IGSF9B: variants seen among roughly 807,000 people sequenced by gnomAD.
IGSF9B encodes protein turtle homolog B.
In IGSF9B, 48 loss-of-function variants were observed where a neutral mutation model predicts 143.7. The ratio of observed to expected loss-of-function variants is 0.33; its 90% CI spans 0.26 to 0.42. The LOEUF (loss-of-function observed/expected upper bound fraction) is 0.42. Ranked by LOEUF, IGSF9B falls within the 20% of genes least tolerant of loss-of-function variation. The pLI, the probability that IGSF9B is intolerant of heterozygous loss-of-function variation, is 1.00. For synonymous variants in IGSF9B, 903 were observed against 833.1 expected (o/e 1.08, Z -1.44); for missense variants, 1,706 against 1,980.0 (o/e 0.86, Z 2.63).
chr11:133,908,956 G>T lies in IGSF9B; in HGVS notation c.*113C>A, dbSNP rs1843068931. ...GCTCTGGCAAAAGAGGGGGCATGCA[G>T]GACAAAGGTCTGGGCCGCCCTTGGC... On this transcript the variant is annotated 3_prime_UTR_variant, in exon 20 of 20. Transcript: ENST00000533871. 2 of 911,594 alleles carry T rather than the reference G, an allele frequency of 2.2e-6. No individual in the cohort carries two copies. Among genetic ancestry groups the T allele is most frequent in the Admixed American group, 2.3e-5 (1 of 43,438 alleles). The allele number at this position is 911,594 out of a possible 1,614,324, so 56.5% of individuals were successfully genotyped here. A position where few individuals can be genotyped will look rare whatever the true frequency, so the allele number is the denominator to read the frequency against.
chr11:133,906,134 T>C lies in IGSF9B; in HGVS notation c.*2935A>G, dbSNP rs984950524. On this transcript the variant is annotated 3_prime_UTR_variant, in exon 20 of 20. Transcript: ENST00000533871. Reference sequence around the variant, plus strand: ...ATCTCCTACAGAGTGAGTGCCGAAGTCCTAAGAAGCTGATCAGTAGTCACT... The same window carrying C: ...ATCTCCTACAGAGTGAGTGCCGAAGCCCTAAGAAGCTGATCAGTAGTCACT... Among the ~76,000 whole-genome samples the C allele has an allele frequency of 6.6e-6, 1 of 152,100 alleles. No individual in the cohort carries two copies. The highest frequency in any genetic ancestry group is 1.5e-5 in the Non-Finnish European group (1 of 68,022).
chr11:133,912,206 G>A (rs1400723079), intron 18 of IGSF9B, 199 bp from the exon 19 acceptor site: 4 of 721,916 alleles, frequency 5.5e-6, no homozygotes, highest in African/African-American at 3.5e-5. Context: ...AAAGCTCCAG[G>A]AGCATGGCCC....
intron 18 of IGSF9B, among the ~76,000 whole-genome samples, 172 bp downstream of exon 18, chr11:133,919,570 G>A (rs1307458243): frequency 6.6e-6 from 1 of 152,180 alleles, no homozygotes; most frequent in Non-Finnish European, 1.5e-5. Context: ...GCGCCCCAGC[G>A]ACTGCACCCC....
intron 6 of IGSF9B, 95 bp downstream of exon 6, chr11:133,935,958 C>G: frequency 6.8e-7 from 1 of 1,470,796 alleles, no homozygotes; most frequent in East Asian, 2.4e-5. Context: ...GCTCCAAGAG[C>G]CACGGGCAGC....
chr11:133,903,983 GAGA>G lies in IGSF9B; in HGVS notation c.*5083_*5085del, dbSNP rs1939177302. ...GAAGCAGAGCTGGAGACATTAAAGA[GAGA>G]AGAATGGCTGGTCAAGCCAAGAGTT... On this transcript the variant is annotated 3_prime_UTR_variant, in exon 20 of 20. Coordinates refer to ENST00000533871, the MANE Select transcript of IGSF9B (RefSeq NM_001277285.4). 6.6e-6 allele frequency among the ~76,000 whole-genome samples: 1 copy of G among 152,204 alleles called. No homozygotes were observed. The highest frequency in any genetic ancestry group is 2.4e-5 in the African/African-American group (1 of 41,456).
chr11:133,918,776 CG>C (rs973901369), intron 18 of IGSF9B, among the ~76,000 whole-genome samples: 1 of 150,194 alleles, frequency 6.7e-6, no homozygotes, highest in Non-Finnish European at 1.5e-5. Flanking sequence ...GCGGCTACAT[CG>C]AGAAGAGAGA....
At chr11:133,933,243 T>A (rs484869) in intron 7 of IGSF9B, among the ~76,000 whole-genome samples, 3 of 152,178 alleles carry the variant, frequency 2.0e-5, no homozygotes, top group East Asian at 1.9e-4. Context: ...CCTAGACCCC[T>A]AGCGTCAAAG....
chr11:133,935,360 G>C (rs1385965501), intron 7 of IGSF9B, among the ~76,000 whole-genome samples: 1 of 152,216 alleles, frequency 6.6e-6, no homozygotes, highest in African/African-American at 2.4e-5. Flanking sequence ...GTGTCTTCCT[G>C]AGTGCAGCCT....
intron 3 of IGSF9B, among the ~76,000 whole-genome samples, chr11:133,939,508 A>C (rs1939883487): frequency 6.6e-6 from 1 of 152,226 alleles, no homozygotes; most frequent in Admixed American, 6.5e-5. Context: ...GGCTCAGCAA[A>C]CATTTGTTGA....
rs558900200 is a variant in IGSF9B at position 133,936,578 on chromosome 11, G to A, written c.680-384C>T. Reference sequence around the variant, plus strand: ...GAGGGCAGCTGGGGGTGCAGGGGCCGAGGAGTAAGCAGAGGGTGAAAGTCC... The same window carrying A: ...GAGGGCAGCTGGGGGTGCAGGGGCCAAGGAGTAAGCAGAGGGTGAAAGTCC... On this transcript the variant is annotated intron_variant, in intron 5 of 19. Coordinates refer to ENST00000533871, the MANE Select transcript of IGSF9B (RefSeq NM_001277285.4). Among the ~76,000 whole-genome samples the A allele has an allele frequency of 3.6e-3, 541 of 152,316 alleles. 1 individual carries two copies. Among genetic ancestry groups the A allele is most frequent in the Non-Finnish European group, 6.3e-3 (430 of 68,018 alleles).
In IGSF9B at chr11:133,907,650, C is replaced by A. The variant is rs1939229155; in HGVS notation, c.*1419G>T. Reference sequence around the variant, plus strand: ...GTGGGAAGATGATCTCAGGAAGCTTCTGGATGCTACGAGTTTGAACCAGGA... The same window carrying A: ...GTGGGAAGATGATCTCAGGAAGCTTATGGATGCTACGAGTTTGAACCAGGA... On this transcript the variant is annotated 3_prime_UTR_variant, in exon 20 of 20. Transcript: ENST00000533871. Among the ~76,000 whole-genome samples the A allele has an allele frequency of 6.6e-6, 1 of 152,240 alleles. No homozygotes were observed. The highest frequency in any genetic ancestry group is 6.5e-5 in the Admixed American group (1 of 15,294).
Position 133,924,708 on chromosome 11 carries a change from TTAG to T in IGSF9B, c.2119+109_2119+111del. 3.4e-6 allele frequency: 3 copies of T among 886,740 alleles called. No individual in the cohort carries two copies. In the Admixed American group the frequency reaches 5.8e-5, roughly 17 times the overall value. The allele number at this position is 886,740 out of a possible 1,614,324, so 54.9% of individuals were successfully genotyped here. ...CACGCAGCTGCAACCAGGCACTGCCTTAGTTTCCAATCCAGCTTCTCCTCGTGG... is the reference window on the plus strand; with the variant it reads ...CACGCAGCTGCAACCAGGCACTGCCTTTTCCAATCCAGCTTCTCCTCGTGG... On this transcript the variant is annotated intron_variant, in intron 15 of 19. Coordinates refer to ENST00000533871, the MANE Select transcript of IGSF9B (RefSeq NM_001277285.4).
rs1329427557 is a variant in IGSF9B at position 133,900,168 on chromosome 11, G to A, written c.*8901C>T. 6.5e-6 allele frequency: 1 copy of A among 152,680 alleles called. No homozygotes were observed. Among genetic ancestry groups the A allele is most frequent in the Admixed American group, 6.5e-5 (1 of 15,290 alleles). The allele number at this position is 152,680 out of a possible 1,614,324, so 9.5% of individuals were successfully genotyped here. A position where few individuals can be genotyped will look rare whatever the true frequency, so the allele number is the denominator to read the frequency against. ...AGCCCTTCTCACGCTGAAGGTATCT[G>A]CTTTCCTCTAAGGACCAAACTCTAT... On this transcript the variant is annotated 3_prime_UTR_variant, in exon 20 of 20. Coordinates refer to ENST00000533871, the MANE Select transcript of IGSF9B (RefSeq NM_001277285.4).
Position 133,948,893 on chromosome 11 carries a change from C to T in IGSF9B, c.65-2635G>A, listed in dbSNP as rs549789616. On this transcript the variant is annotated intron_variant, in intron 1 of 19. Coordinates refer to ENST00000533871, the MANE Select transcript of IGSF9B (RefSeq NM_001277285.4). This position sits in a 1 kb window ranked among gnomAD's most constrained non-coding sequence, Gnocchi z 4.7. ...CTGGCTTCCAGGTGGAGGGCTCTAG[C>T]GGGCAACGCCAGGAGGTGGGTTGGC... Among the ~76,000 whole-genome samples the T allele has an allele frequency of 6.6e-6, 1 of 152,138 alleles. No homozygotes were observed. Among genetic ancestry groups the T allele is most frequent in the Non-Finnish European group, 1.5e-5 (1 of 68,010 alleles).
Position 133,956,704 on chromosome 11 carries a change from C to T in IGSF9B, c.51G>A (p.Gly17=). Residue 17 remains glycine (G), a synonymous_variant, in exon 1 of 20, where the codon GGG becomes GGA. Transcript: ENST00000533871. ...ACTTCAACTCACCTTCAGCCGCAAG[C>T]CCTCGGGTGCCGATCACACTTGCTA... is the stretch of plus-strand genomic sequence containing the variant. ...TFIASVIGTR[G]LAAEGAHGLR... The T allele has an allele frequency of 4.5e-6, 7 of 1,545,732 alleles. No homozygotes were observed. Among genetic ancestry groups the T allele is most frequent in the Non-Finnish European group, 6.1e-6 (7 of 1,147,572 alleles).
chr11:133,951,487 T>C (rs1372590704), intron 1 of IGSF9B, among the ~76,000 whole-genome samples: 2 of 152,318 alleles, frequency 1.3e-5, no homozygotes, highest in East Asian at 3.9e-4. Context: ...CGGGGGCCGC[T>C]CCGGCCCTGA....
At chr11:133,915,361 C>G (rs1939362255) in intron 18 of IGSF9B, among the ~76,000 whole-genome samples, 1 of 151,334 alleles carries the variant, frequency 6.6e-6, no homozygotes, top group South Asian at 2.1e-4. Context: ...CTCGACCTCC[C>G]CAGCTCAGAT....
Position 133,902,410 on chromosome 11 carries a change from C to T in IGSF9B, c.*6659G>A, listed in dbSNP as rs981402744. On this transcript the variant is annotated 3_prime_UTR_variant, in exon 20 of 20. Transcript: ENST00000533871. ...ACCACACAATACGCACAACACATACCACACACAATACACACACCACACCAC... is the reference window on the plus strand; with the variant it reads ...ACCACACAATACGCACAACACATACTACACACAATACACACACCACACCAC... Among the ~76,000 whole-genome samples, 4 of 100,936 alleles carry T rather than the reference C, an allele frequency of 4.0e-5. No homozygotes were observed. Among genetic ancestry groups the T allele is most frequent in the African/African-American group, 1.2e-4 (4 of 33,390 alleles). The allele number at this position is 100,936 out of a possible 152,430, so 66.2% of individuals were successfully genotyped here.
intron 14 of IGSF9B, 82 bp downstream of exon 14, chr11:133,925,657 T>C (rs1041913459): frequency 2.7e-5 from 32 of 1,185,210 alleles, no homozygotes; most frequent in South Asian, 8.0e-5. Context: ...CCAAAGTTGG[T>C]CACTCAAAGC....
Sources: gnomAD v4.1 joint callset for allele counts (sites outside exome capture counted in the v4.1 genomes callset) on GRCh38, gnomAD v4.1.1 for gene constraint, Gnocchi (gnomAD v3.1) non-coding constraint, MANE v1.5 for transcripts, NCBI Gene and HGNC (gene_info 2026-07-23, HGNC 2026-07-21) for gene names.